The following KCNC2 variants were observed in gnomAD, a reference collection of about 807,000 sequenced individuals.
The protein encoded by KCNC2 is potassium voltage-gated channel subfamily C member 2.
KCNC2 carries 21 observed loss-of-function variants against 44.5 expected under a neutral mutation model. The ratio of observed to expected loss-of-function variants is 0.47; its 90% CI spans 0.33 to 0.68. KCNC2 has a LOEUF of 0.68. Ranked by LOEUF, KCNC2 falls within the 30% of genes least tolerant of loss-of-function variation. The pLI, the probability that KCNC2 is intolerant of heterozygous loss-of-function variation, is 0.01. For synonymous variants in KCNC2, 391 were observed against 339.1 expected, an observed-to-expected ratio of 1.15 and a Z score of -1.68; for missense variants, 589 against 826.2, an observed-to-expected ratio of 0.71 and a Z score of 3.52.
At chr12:75,193,371 T>C (rs2030477129) in intron 2 of KCNC2, among the ~76,000 whole-genome samples, 1 of 152,092 alleles carries the variant, frequency 6.6e-6, no homozygotes. Context: ...AAGGGGTTGG[T>C]CCTTTTCTTC....
At chr12:75,048,046 C>T (rs535347518) in intron 4 of KCNC2, 107 bp downstream of exon 4, 39 of 959,690 alleles carry the variant, frequency 4.1e-5, no homozygotes, top group African/African-American at 2.0e-4. Flanking sequence ...GAGCACTGTA[C>T]GCAGTCTTTC....
intron 2 of KCNC2, among the ~76,000 whole-genome samples, chr12:75,157,022 G>A (rs76462148): frequency 0.013 from 2,004 of 151,900 alleles, 18 homozygotes; most frequent in African/African-American, 0.027. Context: ...ACAATCCCAA[G>A]TACTGCTCTG....
intron 2 of KCNC2, among the ~76,000 whole-genome samples, chr12:75,086,083 A>G (rs951117427): frequency 6.6e-6 from 1 of 152,076 alleles, no homozygotes. Flanking sequence ...ATACTATAGT[A>G]TGCTCTATTC....
In KCNC2 at chr12:75,050,518, T is replaced by C; in HGVS notation, c.1487A>G (p.His496Arg). 6.2e-7 allele frequency: 1 copy of C among 1,613,650 alleles called. No individual in the cohort carries two copies. ...GCTTGCCTGAGGAGCAGGAGGGATGTGCTTCTTTCTTTTCCTTGGAAGTTT... is the reference window on the plus strand; with the variant it reads ...GCTTGCCTGAGGAGCAGGAGGGATGCGCTTCTTTCTTTTCCTTGGAAGTTT... The part of the protein sequence containing the change: ...KQKLPRKRKK[H>R]IPPAPQASSP... Residue 496 changes from histidine to arginine, a missense_variant, in exon 3 of 5, where the codon CAC becomes CGC. His to Arg is a conservative substitution (Grantham distance 29, BLOSUM62 0). Transcript: ENST00000549446.
At chr12:75,143,183 A>G (rs1889778372) in intron 2 of KCNC2, among the ~76,000 whole-genome samples, 1 of 152,206 alleles carries the variant, frequency 6.6e-6, no homozygotes, top group African/African-American at 2.4e-5. Flanking sequence ...TTATATAATT[A>G]AAGTCCCTAC....
At chr12:75,077,576 G>C (rs1479345914) in intron 2 of KCNC2, among the ~76,000 whole-genome samples, 2 of 152,014 alleles carry the variant, frequency 1.3e-5, no homozygotes, top group Non-Finnish European at 2.9e-5. Context: ...AACTTGAAAG[G>C]GCAAAATTTT....
chr12:75,086,671 A>ATAT (rs1169816045), intron 2 of KCNC2, among the ~76,000 whole-genome samples: 1 of 89,394 alleles, frequency 1.1e-5, no homozygotes, highest in African/African-American at 4.9e-5. Context: ...AAAAAAAAAA[A>ATAT]AAAAAAAAAA....
At position 75,050,724 on chromosome 12, in the gene KCNC2, C is replaced by T. The variant is rs987310125; in HGVS notation, c.1281G>A (p.Gly427=). Residue 427 remains glycine, a synonymous_variant, in exon 3 of 5, where the codon GGG becomes GGA. Coordinates refer to ENST00000549446, the MANE Select transcript of KCNC2 (RefSeq NM_139137.4). ...EHTQFKNIPI[G]FWWAVVTMTT... ...TCATGGTCACTACAGCCCACCAGAA[C>T]CCAATGGGAATGTTTTTGAACTGTG... The T allele has an allele frequency of 7.4e-6, 12 of 1,613,404 alleles. No individual in the cohort carries two copies. Among genetic ancestry groups the T allele is most frequent in the Non-Finnish European group, 1.0e-5 (12 of 1,179,852 alleles).
intron 2 of KCNC2, among the ~76,000 whole-genome samples, chr12:75,103,220 C>T (rs1886512873): frequency 6.6e-6 from 1 of 152,168 alleles, no homozygotes; most frequent in Admixed American, 6.5e-5. Flanking sequence ...AAATTTCCAA[C>T]CATGATTCAG....
At chr12:75,174,034 T>C (rs755266230) in intron 2 of KCNC2, among the ~76,000 whole-genome samples, 7 of 151,850 alleles carry the variant, frequency 4.6e-5, no homozygotes, top group Non-Finnish European at 1.0e-4. Flanking sequence ...TTTAGTATAA[T>C]ACTTTATCCT....
intron 2 of KCNC2, among the ~76,000 whole-genome samples, chr12:75,203,145 A>G (rs1051068533): frequency 2.6e-5 from 4 of 151,808 alleles, no homozygotes; most frequent in African/African-American, 9.7e-5. Context: ...TTTAATCTTA[A>G]TATATGATTC....
chr12:75,136,288 C>T (rs1240816657), intron 2 of KCNC2, among the ~76,000 whole-genome samples: 4 of 151,356 alleles, frequency 2.6e-5, no homozygotes, highest in Non-Finnish European at 4.4e-5. Flanking sequence ...ACTAGAAAAA[C>T]GAGAACAACC....
intron 2 of KCNC2, among the ~76,000 whole-genome samples, chr12:75,115,072 C>T (rs1219518591): frequency 6.6e-6 from 1 of 151,902 alleles, no homozygotes; most frequent in African/African-American, 2.4e-5. Context: ...ACCGTGTTAG[C>T]CAGGATGGTC....
chr12:75,151,400 G>A (rs1293667776), intron 2 of KCNC2, among the ~76,000 whole-genome samples: 1 of 151,904 alleles, frequency 6.6e-6, no homozygotes, highest in South Asian at 2.1e-4. Context: ...AATTGGGTTG[G>A]CCCACTGCCA....
chr12:75,103,490 A>G (rs550038609), intron 2 of KCNC2, among the ~76,000 whole-genome samples: 1 of 152,302 alleles, frequency 6.6e-6, no homozygotes, highest in Non-Finnish European at 1.5e-5. Context: ...ACTTAATATC[A>G]ACCAATTTGC....
At chr12:75,103,240 G>A (rs1200551283) in intron 2 of KCNC2, among the ~76,000 whole-genome samples, 3 of 152,180 alleles carry the variant, frequency 2.0e-5, no homozygotes, top group South Asian at 4.1e-4. Context: ...GACTATATGC[G>A]TGGGTTCCAC....
In KCNC2 at chr12:75,042,379, G is replaced by A; in HGVS notation, c.*726C>T. 6.2e-7 allele frequency: 1 copy of A among 1,610,286 alleles called. No individual in the cohort carries two copies. The highest frequency in any genetic ancestry group is 8.5e-7 in the Non-Finnish European group (1 of 1,177,654). On this transcript the variant is annotated 3_prime_UTR_variant, in exon 5 of 5. Coordinates refer to ENST00000549446, the MANE Select transcript of KCNC2 (RefSeq NM_139137.4). ...TGACAACCTCTTTGCAGTTATCTGT[G>A]TGCAAACAACCAGAGACATTCAGAA...
chr12:75,101,790 A>C (rs1392157576), intron 2 of KCNC2, among the ~76,000 whole-genome samples: 1 of 152,104 alleles, frequency 6.6e-6, no homozygotes, highest in African/African-American at 2.4e-5. Context: ...ACAGAAAAGG[A>C]AAACAAAAAT....
intron 2 of KCNC2, among the ~76,000 whole-genome samples, chr12:75,176,128 G>T (rs1892166168): frequency 6.6e-6 from 1 of 152,066 alleles, no homozygotes; most frequent in African/African-American, 2.4e-5. Flanking sequence ...CAAAGATCAG[G>T]AAGTGTAACT....
Sources: allele counts gnomAD v4.1 joint callset (sites outside exome capture counted in the v4.1 genomes callset), GRCh38; gene constraint gnomAD v4.1.1; transcripts MANE v1.5; gene names NCBI Gene and HGNC (gene_info 2026-07-23, HGNC 2026-07-21).